The following VEPH1 variants were observed in gnomAD, a reference collection of about 807,000 sequenced individuals.
VEPH1 encodes ventricular zone-expressed PH domain-containing protein homolog 1.
In VEPH1, 80 loss-of-function variants were observed where a neutral mutation model predicts 85.2. The observed-to-expected ratio is 0.94, with a 90% CI of 0.78 to 1.13. The LOEUF is 1.13. VEPH1 is among the 50% of genes most tolerant of loss of function. The pLI is 0.00. For synonymous variants in VEPH1, 297 were observed against 348.0 expected, an observed-to-expected ratio of 0.85 and a Z score of 1.63; for missense variants, 955 against 980.5, an observed-to-expected ratio of 0.97 and a Z score of 0.35.
intron 12 of VEPH1, among the ~76,000 whole-genome samples, chr3:157,272,375 T>TTTTCTTTCTTTCTTTCTTTCTTTC (rs758495924): frequency 1.9e-4 from 18 of 95,034 alleles, no homozygotes; most frequent in Admixed American, 4.8e-4. Flanking sequence ...TTTCTCTTTC[T>TTTTCTTTCTTTCTTTCTTTCTTTC]TTTCTTTCTT....
intron 9 of VEPH1, 152 bp downstream of exon 9, chr3:157,363,212 A>G: frequency 1.3e-6 from 1 of 751,010 alleles, no homozygotes; most frequent in Non-Finnish European, 2.0e-6. Flanking sequence ...GAAAAAAAAA[A>G]AAAAAACTAA....
chr3:157,317,917 CAT>C (rs909243489), intron 9 of VEPH1, among the ~76,000 whole-genome samples: 11 of 152,274 alleles, frequency 7.2e-5, no homozygotes, highest in African/African-American at 2.6e-4. Flanking sequence ...TTGACTTCCA[CAT>C]GTGTTATGTG....
chr3:157,387,071 G>T (rs1428796333), intron 6 of VEPH1, among the ~76,000 whole-genome samples: 1 of 152,168 alleles, frequency 6.6e-6, no homozygotes, highest in Non-Finnish European at 1.5e-5. Context: ...TGTGGGAAAA[G>T]AGCTAAAAGC....
At chr3:157,364,172 T>C (rs1003237872) in intron 8 of VEPH1, 131 bp downstream of exon 8, 8 of 671,592 alleles carry the variant, frequency 1.2e-5, no homozygotes, top group Non-Finnish European at 1.7e-5. Context: ...TGATATTTCA[T>C]TCATGTAAGG....
At chr3:157,406,068 T>G (rs1731117990) in intron 6 of VEPH1, among the ~76,000 whole-genome samples, 1 of 152,190 alleles carries the variant, frequency 6.6e-6, no homozygotes, top group African/African-American at 2.4e-5. Context: ...TATTTACAGT[T>G]AACATGTACC....
intron 4 of VEPH1, among the ~76,000 whole-genome samples, chr3:157,448,193 A>C (rs918024090): frequency 2.6e-5 from 4 of 152,168 alleles, no homozygotes; most frequent in African/African-American, 9.7e-5. Context: ...ACAGAGAAAA[A>C]ATGAGCTGAA....
At chr3:157,352,365 T>TTCA (rs1196033278) in intron 9 of VEPH1, among the ~76,000 whole-genome samples, 2 of 152,238 alleles carry the variant, frequency 1.3e-5, no homozygotes, top group Non-Finnish European at 2.9e-5. Context: ...TATAGGCTGC[T>TTCA]TCACGTATTG....
chr3:157,494,175 T>C (rs16827731), intron 2 of VEPH1, among the ~76,000 whole-genome samples: 1,569 of 152,148 alleles, frequency 0.01, 25 homozygotes, highest in African/African-American at 0.035. Context: ...CAAGAGAAAA[T>C]AGGCTTGAAG....
chr3:157,470,333 A>G lies in VEPH1; in HGVS notation c.335T>C (p.Ile112Thr). Residue 112 changes from isoleucine to threonine, a missense_variant, in exon 3 of 14, where the codon ATC becomes ACC. By Grantham distance (89) the Ile-to-Thr change is moderately conservative. Transcript: ENST00000362010. ...DTPHAKIASD[I>T]MSCILQNYNR... ...ACATACCTGTAAAATGCAACTCATG[A>G]TATCAGATGCGATTTTTGCATGAGG... 1 of 1,614,076 alleles carries G rather than the reference A, an allele frequency of 6.2e-7. No individual in the cohort carries two copies. Among genetic ancestry groups the G allele is most frequent in the Non-Finnish European group, 8.5e-7 (1 of 1,179,990 alleles).
chr3:157,342,878 A>C (rs1238778907), intron 9 of VEPH1, among the ~76,000 whole-genome samples: 2 of 152,202 alleles, frequency 1.3e-5, no homozygotes, highest in Non-Finnish European at 2.9e-5. Context: ...GAAACTCACT[A>C]AAAACCACTC....
intron 10 of VEPH1, among the ~76,000 whole-genome samples, chr3:157,315,047 G>A (rs1720585610): frequency 1.3e-5 from 2 of 151,992 alleles, no homozygotes; most frequent in African/African-American, 4.8e-5. Context: ...TACATACAAT[G>A]TGATATAAAG....
chr3:157,318,485 A>G (rs1234245493), intron 9 of VEPH1, among the ~76,000 whole-genome samples: 1 of 151,928 alleles, frequency 6.6e-6, no homozygotes, highest in East Asian at 1.9e-4. Context: ...GCATCTGCCT[A>G]TAGACCCAGC....
intron 4 of VEPH1, chr3:157,442,282 C>G (rs375692854): frequency 8.0e-7 from 1 of 1,243,398 alleles, no homozygotes; most frequent in Admixed American, 2.6e-5. Flanking sequence ...AATTAAAATT[C>G]TTATGTTAAA....
At position 157,469,996 on chromosome 3, in the gene VEPH1, G is replaced by C. The variant is rs140313694; in HGVS notation, c.354+318C>G. 4.6e-5 allele frequency among the ~76,000 whole-genome samples: 7 copies of C among 152,194 alleles called. No homozygotes were observed. The East Asian group carries it at 1.4e-3, about 29-fold the overall frequency. On this transcript the variant is annotated intron_variant, in intron 3 of 13. Coordinates refer to ENST00000362010, the MANE Select transcript of VEPH1 (RefSeq NM_001167912.2). ...TTGGATGAAAGAGATCTCCTCTTCT[G>C]AATTTTTTAGTACTCCTCCTGTGGG...
intron 9 of VEPH1, among the ~76,000 whole-genome samples, chr3:157,356,328 A>T (rs1476295567): frequency 1.3e-5 from 2 of 151,078 alleles, no homozygotes; most frequent in African/African-American, 2.4e-5. Context: ...GCTGTCTTTT[A>T]CTCAGCTCTT....
At chr3:157,280,350 G>A (rs1003845875) in intron 12 of VEPH1, among the ~76,000 whole-genome samples, 1 of 152,128 alleles carries the variant, frequency 6.6e-6, no homozygotes, top group African/African-American at 2.4e-5. Flanking sequence ...ACTACGTATA[G>A]TGATTTGTTA....
At chr3:157,423,823 G>T (rs962494528) in intron 5 of VEPH1, among the ~76,000 whole-genome samples, 1 of 152,144 alleles carries the variant, frequency 6.6e-6, no homozygotes, top group African/African-American at 2.4e-5. Flanking sequence ...AGTCTATTGT[G>T]GCTAATTATG....
At chr3:157,313,892 C>T (rs1291159863) in intron 10 of VEPH1, 137 bp from the exon 11 acceptor site, 1 of 1,152,980 alleles carries the variant, frequency 8.7e-7, no homozygotes, top group Non-Finnish European at 1.2e-6. Context: ...AGAAAAAGAT[C>T]TGTCTTAAAG....
chr3:157,370,776 A>C (rs1727396808), intron 7 of VEPH1, among the ~76,000 whole-genome samples: 1 of 152,224 alleles, frequency 6.6e-6, no homozygotes, highest in Non-Finnish European at 1.5e-5. Flanking sequence ...CTTCATTTAC[A>C]CAAAATTTTA....
Sources: allele counts gnomAD v4.1 joint callset (sites outside exome capture counted in the v4.1 genomes callset), GRCh38; gene constraint gnomAD v4.1.1; transcripts MANE v1.5; gene names NCBI Gene and HGNC (gene_info 2026-07-23, HGNC 2026-07-21).